MZT2B: variants seen among roughly 807,000 people sequenced by gnomAD.
MZT2B encodes mitotic-spindle organizing protein 2B.
MZT2B carries 11 observed loss-of-function variants against 12.1 expected under a neutral mutation model. That is an observed-to-expected ratio of 0.91 (90% CI 0.57 to 1.50). MZT2B has a LOEUF of 1.50. Among genes scored for constraint, MZT2B ranks in the 40% most tolerant of loss-of-function variants. The probability of loss-of-function intolerance (pLI) is 0.00; values close to 1 mark genes in which losing one functional copy is unlikely to be tolerated. For missense variants in MZT2B, 209 were observed against 227.7 expected (o/e 0.92, Z 0.53); for synonymous variants, 85 against 109.5 (o/e 0.78, Z 1.40).
At chr2:130,188,055 C>T (rs548375027) in intron 2 of MZT2B, 267 of 137,420 alleles carry the variant, frequency 1.9e-3, no homozygotes, top group African/African-American at 6.9e-3. Flanking sequence ...AAACCCCCCT[C>T]CCCCACCACT....
At chr2:130,200,054 C>A in the MZT2B span, among the ~76,000 whole-genome samples, 1 of 151,692 alleles carries the variant, frequency 6.6e-6, no homozygotes, top group Non-Finnish European at 1.5e-5. Context: ...CAAGATCATG[C>A]CATTGCACTC....
In MZT2B at chr2:130,183,714, G is replaced by A. The variant is rs537273236; in HGVS notation, c.319+939G>A. The A allele has an allele frequency of 3.7e-5, 58 of 1,550,272 alleles. No individual in the cohort carries two copies. The African/African-American group carries it at 6.8e-4, about 18-fold the overall frequency. On this transcript the variant is annotated intron_variant, in intron 2 of 2. Transcript: ENST00000281871. ...CACACCCGCTGACCCAAGAGGGCCC[G>A]GGCACCTGCGTGCTGGCCTCTTCAC...
Position 130,182,700 on chromosome 2 carries a change from G to C in MZT2B, c.244G>C (p.Gly82Arg). 8 of 1,547,208 alleles carry C rather than the reference G, an allele frequency of 5.2e-6. No homozygotes were observed. Among genetic ancestry groups the C allele is most frequent in the Non-Finnish European group, 7.0e-6 (8 of 1,144,926 alleles). The change falls in exon 2 of 3, where the codon GGG (glycine) becomes CGG (arginine). Residue 82 changes from glycine (G) to arginine (R), a missense_variant. Transcript: ENST00000281871. ...CCAGATGCTCAAGTCCATGTGTGCC[G>C]GGCAGAGGCTAGCGAGCGAGCCCCA... is the stretch of plus-strand genomic sequence containing the variant. ...VFQMLKSMCA[G>R]QRLASEPQDP...
Position 130,182,668 on chromosome 2 carries a change from C to A in MZT2B, c.212C>A (p.Ala71Asp). The A allele has an allele frequency of 6.4e-7, 1 of 1,553,906 alleles. No individual in the cohort carries two copies. Among genetic ancestry groups the A allele is most frequent in the East Asian group, 2.4e-5 (1 of 41,432 alleles). ...CTGAAGCTGAACGTGGCCCCCCTCG[C>A]CGTCTTCCAGATGCTCAAGTCCATG... ...DLLKLNVAPL[A>D]VFQMLKSMCA... The change falls in exon 2 of 3, where the codon GCC becomes GAC. Residue 71 changes from alanine to aspartate, a missense_variant. Transcript: ENST00000281871.
intron 2 of MZT2B, among the ~76,000 whole-genome samples, chr2:130,185,479 C>CAA (rs11316338): frequency 1.3e-5 from 1 of 76,504 alleles, no homozygotes; most frequent in Non-Finnish European, 2.9e-5. Context: ...GACCCTGTCT[C>CAA]AAAAAAAAAA....
intron 2 of MZT2B, chr2:130,183,613 G>T: frequency 9.1e-7 from 1 of 1,093,390 alleles, no homozygotes; most frequent in Non-Finnish European, 1.4e-6. Flanking sequence ...GAAGCACGAG[G>T]AGACCCGCAC....
downstream of MZT2B, chr2:130,194,341 T>C (rs779895421): frequency 3.2e-5 from 52 of 1,612,952 alleles, no homozygotes; most frequent in Non-Finnish European, 1.7e-6. Flanking sequence ...TGGCAAACTC[T>C]AGCTTGGACT....
chr2:130,182,516 C>G, intron 1 of MZT2B, 64 bp downstream of exon 1: 1 of 1,542,670 alleles, frequency 6.5e-7, no homozygotes, highest in Non-Finnish European at 8.7e-7. Flanking sequence ...TTTCCGGGTA[C>G]GCCCGGCCCG....
chr2:130,196,023 A>G, the MZT2B span: 10 of 1,382,928 alleles, frequency 7.2e-6, no homozygotes, highest in Admixed American at 2.8e-5. Flanking sequence ...TCTCCTAACA[A>G]TGCCATGGGC....
At chr2:130,203,048 C>CTTTTTTTTTT in the MZT2B span, among the ~76,000 whole-genome samples, 4 of 118,526 alleles carry the variant, frequency 3.4e-5, no homozygotes, top group Non-Finnish European at 5.3e-5. Context: ...TTTCTTTTTT[C>CTTTTTTTTTT]TTTTTTTTTT....
upstream of MZT2B, chr2:130,182,211 A>G (rs1242164142): frequency 1.3e-5 from 16 of 1,236,412 alleles, no homozygotes; most frequent in Non-Finnish European, 1.5e-5. Context: ...TTGACGCTGC[A>G]GGGAGAGGGT....
the MZT2B span, chr2:130,196,195 C>T: frequency 6.2e-7 from 1 of 1,613,886 alleles, no homozygotes; most frequent in Admixed American, 1.7e-5. Context: ...TGGGCACGTG[C>T]TTGCCAGCTC....
chr2:130,181,721 G>T, upstream of MZT2B: 1 of 1,549,082 alleles, frequency 6.5e-7, no homozygotes, highest in Non-Finnish European at 8.7e-7. Context: ...GAAGAGAAAT[G>T]GCGAGGCAGG....
chr2:130,196,063 G>A, the MZT2B span: 1 of 1,308,190 alleles, frequency 7.6e-7, no homozygotes, highest in Non-Finnish European at 1.0e-6. Context: ...CCTTTCAGCA[G>A]GAGGATTCAA....
intron 2 of MZT2B, among the ~76,000 whole-genome samples, chr2:130,189,231 G>C (rs1203155087): frequency 6.6e-6 from 1 of 152,190 alleles, no homozygotes; most frequent in Non-Finnish European, 1.5e-5. Flanking sequence ...ACACCGCACT[G>C]AGGGGGTGGG....
chr2:130,184,097 C>A, intron 2 of MZT2B: 1 of 1,540,780 alleles, frequency 6.5e-7, no homozygotes, highest in South Asian at 1.2e-5. Context: ...TGCCCTGCCG[C>A]TTAGCCACAG....
chr2:130,183,532 A>C (rs1284624468), intron 2 of MZT2B: 2 of 616,178 alleles, frequency 3.2e-6, no homozygotes, highest in Non-Finnish European at 5.9e-6. Context: ...TCTGCTCCCG[A>C]TGGCTCTCTC....
intron 2 of MZT2B, among the ~76,000 whole-genome samples, chr2:130,185,365 C>A (rs1255889478): frequency 6.6e-6 from 1 of 151,090 alleles, no homozygotes; most frequent in East Asian, 1.9e-4. Flanking sequence ...ATCTGTAGTC[C>A]CAGCTACTTG....
In MZT2B at chr2:130,190,450, G is replaced by A; in HGVS notation, c.320-19G>A. 6.2e-7 allele frequency: 1 copy of A among 1,611,988 alleles called. No individual in the cohort carries two copies. Among genetic ancestry groups the A allele is most frequent in the Non-Finnish European group, 8.5e-7 (1 of 1,178,580 alleles). ...CGGGGCACGCCCATTCCTAATCATT[G>A]TGCTTTGTGTCTCCTCAGGGAGAAA... On this transcript the variant is annotated intron_variant, in intron 2 of 2. Coordinates refer to ENST00000281871, the MANE Select transcript of MZT2B (RefSeq NM_025029.5).
Sources: allele counts gnomAD v4.1 joint callset (sites outside exome capture counted in the v4.1 genomes callset), GRCh38; gene constraint gnomAD v4.1.1; transcripts MANE v1.5; gene names NCBI Gene and HGNC (gene_info 2026-07-23, HGNC 2026-07-21).